The following ADAMTS17 variants were observed in gnomAD, a reference collection of about 807,000 sequenced individuals.
ADAMTS17 encodes A disintegrin and metalloproteinase with thrombospondin motifs 17.
Under a neutral mutation model 141.5 loss-of-function variants are expected in ADAMTS17, and 113 were observed. That is an observed-to-expected ratio of 0.80 (90% CI 0.69 to 0.93). The LOEUF (loss-of-function observed/expected upper bound fraction) is 0.93. Ranked by LOEUF, ADAMTS17 falls within the 40% of genes least tolerant of loss-of-function variation. The probability of loss-of-function intolerance (pLI) is 0.00; values close to 1 mark genes in which losing one functional copy is unlikely to be tolerated. For synonymous variants in ADAMTS17, 768 were observed against 630.6 expected (o/e 1.22, Z -3.27); for missense variants, 1,659 against 1,517.9 (o/e 1.09, Z -1.54).
chr15:100,285,341 T>C (rs1297169091), intron 3 of ADAMTS17, among the ~76,000 whole-genome samples: 1 of 152,244 alleles, frequency 6.6e-6, no homozygotes, highest in Non-Finnish European at 1.5e-5. Flanking sequence ...ACTGTCATTG[T>C]AGTTACTAGT....
chr15:100,189,715 G>A (rs1053601505), intron 8 of ADAMTS17, among the ~76,000 whole-genome samples: 2 of 152,210 alleles, frequency 1.3e-5, no homozygotes, highest in Non-Finnish European at 2.9e-5. Context: ...CGTCCTCCTG[G>A]ATCTGCTATG....
At chr15:100,242,724 G>C (rs989982022) in intron 7 of ADAMTS17, among the ~76,000 whole-genome samples, 2 of 152,132 alleles carry the variant, frequency 1.3e-5, no homozygotes, top group African/African-American at 4.8e-5. Flanking sequence ...CTCCCATCCT[G>C]ATCATTTTTC....
chr15:99,990,124 T>G (rs1162583586), intron 20 of ADAMTS17, among the ~76,000 whole-genome samples: 2 of 152,206 alleles, frequency 1.3e-5, no homozygotes, highest in Non-Finnish European at 2.9e-5. Flanking sequence ...TAGCTTCGAC[T>G]TCCCTGGCTC....
At chr15:100,087,213 T>A (rs952918901) in intron 15 of ADAMTS17, among the ~76,000 whole-genome samples, 17 of 152,152 alleles carry the variant, frequency 1.1e-4, no homozygotes, top group Admixed American at 2.0e-4. Flanking sequence ...TAAACACCTC[T>A]ACACAAATAA....
In ADAMTS17 at chr15:100,331,534, G is replaced by C. The variant is rs932255606; in HGVS notation, c.451-480C>G. Among the ~76,000 whole-genome samples, 10 of 152,194 alleles carry C rather than the reference G, an allele frequency of 6.6e-5. No homozygotes were observed. In the South Asian group the frequency reaches 1.2e-3, roughly 19 times the overall value. On this transcript the variant is annotated intron_variant, in intron 2 of 21. Coordinates refer to ENST00000268070, the MANE Select transcript of ADAMTS17 (RefSeq NM_139057.4). ...CAAAACAATTTGCCCTCCTTCAGCAGGCACCTGCTGCTAGTTTCCCTTCTT... is the reference window on the plus strand; with the variant it reads ...CAAAACAATTTGCCCTCCTTCAGCACGCACCTGCTGCTAGTTTCCCTTCTT...
At chr15:100,100,268 T>G (rs8031843) in intron 14 of ADAMTS17, among the ~76,000 whole-genome samples, 21,411 of 152,234 alleles carry the variant, frequency 0.14, 2,135 homozygotes, top group African/African-American at 0.29. Context: ...CTCCTCTTGC[T>G]TCTTCGACTC....
intron 8 of ADAMTS17, among the ~76,000 whole-genome samples, chr15:100,185,233 A>G (rs1226000872): frequency 6.6e-6 from 1 of 152,182 alleles, no homozygotes; most frequent in Non-Finnish European, 1.5e-5. Context: ...TAGAATGGAG[A>G]GAACGACAGG....
At chr15:100,044,067 C>A (rs552431770) in intron 18 of ADAMTS17, among the ~76,000 whole-genome samples, 1 of 152,180 alleles carries the variant, frequency 6.6e-6, no homozygotes, top group Non-Finnish European at 1.5e-5. Flanking sequence ...TTAGAAGATA[C>A]ATGGGAGGCA....
chr15:100,234,648 T>C (rs2042597110), intron 7 of ADAMTS17, among the ~76,000 whole-genome samples: 1 of 152,238 alleles, frequency 6.6e-6, no homozygotes, highest in African/African-American at 2.4e-5. Context: ...GTTTCCACTT[T>C]ATCTCAAAAC....
At chr15:100,020,195 A>T (rs2061377311) in intron 18 of ADAMTS17, among the ~76,000 whole-genome samples, 1 of 152,178 alleles carries the variant, frequency 6.6e-6, no homozygotes, top group East Asian at 1.9e-4. Context: ...ATTCAATGTG[A>T]AAACACACAA....
intron 15 of ADAMTS17, among the ~76,000 whole-genome samples, chr15:100,081,359 T>C (rs1021919462): frequency 6.6e-6 from 1 of 152,196 alleles, no homozygotes; most frequent in African/African-American, 2.4e-5. Flanking sequence ...CCTATATATA[T>C]ATGCACACAT....
At chr15:100,253,225 G>A (rs1162828224) in intron 7 of ADAMTS17, among the ~76,000 whole-genome samples, 1 of 150,872 alleles carries the variant, frequency 6.6e-6, no homozygotes, top group East Asian at 2.0e-4. Context: ...CCTTGGCATT[G>A]TGCCTGTATT....
intron 15 of ADAMTS17, among the ~76,000 whole-genome samples, chr15:100,087,956 C>T (rs1024735147): frequency 1.3e-5 from 2 of 152,184 alleles, no homozygotes; most frequent in African/African-American, 4.8e-5. Flanking sequence ...TCTCACCACT[C>T]CTATTCAACA....
At chr15:100,059,105 G>C (rs2032899234) in intron 15 of ADAMTS17, among the ~76,000 whole-genome samples, 1 of 152,302 alleles carries the variant, frequency 6.6e-6, no homozygotes, top group East Asian at 1.9e-4. Flanking sequence ...CACAGCTGTG[G>C]GGGCACTCCA....
At chr15:100,277,834 C>A (rs1049484094) in intron 4 of ADAMTS17, among the ~76,000 whole-genome samples, 2 of 152,224 alleles carry the variant, frequency 1.3e-5, no homozygotes, top group Non-Finnish European at 2.9e-5. Flanking sequence ...GAGATTTGCA[C>A]ACCCACGTTC....
intron 12 of ADAMTS17, 55 bp from the exon 13 acceptor site, chr15:100,117,068 G>C (rs2037183189): frequency 3.2e-6 from 5 of 1,546,884 alleles, no homozygotes; most frequent in Non-Finnish European, 4.4e-6. Context: ...AAGGGCAGGA[G>C]AGCTGTTTCC....
At chr15:100,161,397 T>C (rs896168518) in intron 8 of ADAMTS17, among the ~76,000 whole-genome samples, 1 of 152,068 alleles carries the variant, frequency 6.6e-6, no homozygotes, top group Non-Finnish European at 1.5e-5. Flanking sequence ...CTCAAAGTAG[T>C]CTTGGCTGAG....
intron 8 of ADAMTS17, among the ~76,000 whole-genome samples, chr15:100,195,243 C>A (rs1172967155): frequency 6.6e-6 from 1 of 152,218 alleles, no homozygotes; most frequent in African/African-American, 2.4e-5. Flanking sequence ...CACACAGCAC[C>A]TGCACCAGGA....
rs1397851687 is a variant in ADAMTS17 at position 100,051,798 on chromosome 15, GCA to G, written c.2296-69_2296-68del. ...GAAGGCCCGTGGGAATGCCGAATCT[GCA>G]CACACAGGCACACTGCGGCTGTTTC... is the stretch of plus-strand genomic sequence containing the variant. On this transcript the variant is annotated intron_variant, in intron 16 of 21. Coordinates refer to ENST00000268070, the MANE Select transcript of ADAMTS17 (RefSeq NM_139057.4). The G allele has an allele frequency of 1.3e-5, 20 of 1,579,476 alleles. No homozygotes were observed. In the Admixed American group the frequency reaches 3.0e-4, roughly 24 times the overall value.
Sources: gnomAD v4.1 joint callset for allele counts (sites outside exome capture counted in the v4.1 genomes callset) on GRCh38, gnomAD v4.1.1 for gene constraint, MANE v1.5 for transcripts, NCBI Gene and HGNC (gene_info 2026-07-23, HGNC 2026-07-21) for gene names.